The following IL34 variants were observed in gnomAD, a reference collection of about 807,000 sequenced individuals.
IL34 encodes the protein interleukin-34.
A neutral mutation model predicts 25.3 loss-of-function variants in IL34; 17 were observed. That is an observed-to-expected ratio of 0.67 (90% confidence interval 0.46 to 1.01). IL34 has a LOEUF of 1.01. Ranked by LOEUF, IL34 falls within the 50% of genes least tolerant of loss-of-function variation. The pLI is 0.00. For missense variants in IL34, 368 were observed against 312.9 expected (o/e 1.18, Z -1.33); for synonymous variants, 174 against 140.9 (o/e 1.23, Z -1.66).
At chr16:70,650,532 T>C (rs1239719399) in intron 1 of IL34, among the ~76,000 whole-genome samples, 1 of 151,672 alleles carries the variant, frequency 6.6e-6, no homozygotes, top group African/African-American at 2.4e-5. Flanking sequence ...GGTTGGGAGG[T>C]GAAGTAGACG....
At chr16:70,644,441 T>C (rs188858885), upstream of IL34, among the ~76,000 whole-genome samples, 2 of 152,246 alleles carry the variant, frequency 1.3e-5, no homozygotes, top group African/African-American at 4.8e-5. Flanking sequence ...TCAGTTTGTT[T>C]AGACAACTTC....
chr16:70,601,852 G>T (rs998241390), intron 1 of IL34, among the ~76,000 whole-genome samples: 1 of 152,246 alleles, frequency 6.6e-6, no homozygotes, highest in Non-Finnish European at 1.5e-5. Context: ...TGTCCAGTTG[G>T]CTGCCTGGCC....
intron 1 of IL34, among the ~76,000 whole-genome samples, chr16:70,610,879 G>A (rs2051079919): frequency 6.6e-6 from 1 of 152,190 alleles, no homozygotes; most frequent in Admixed American, 6.5e-5. Context: ...TGATTCTGAG[G>A]GCAGATTCCA....
At chr16:70,618,922 A>G (rs1282410251) in intron 1 of IL34, among the ~76,000 whole-genome samples, 2 of 152,180 alleles carry the variant, frequency 1.3e-5, no homozygotes, top group Non-Finnish European at 2.9e-5. Flanking sequence ...GCTGGGATTA[A>G]CGGTGCAAAG....
chr16:70,653,496 C>G (rs757846157), intron 1 of IL34, among the ~76,000 whole-genome samples: 1 of 151,942 alleles, frequency 6.6e-6, no homozygotes, highest in Admixed American at 6.6e-5. Flanking sequence ...CTCAGGAGTT[C>G]GAGGCAAGTC....
chr16:70,582,991 G>T (rs1350292485), intron 1 of IL34, among the ~76,000 whole-genome samples: 1 of 152,206 alleles, frequency 6.6e-6, no homozygotes, highest in Non-Finnish European at 1.5e-5. Flanking sequence ...TGCAGGGCTG[G>T]ATGTAGGGAG....
At chr16:70,605,857 A>G (rs2050994790) in intron 1 of IL34, among the ~76,000 whole-genome samples, 1 of 151,444 alleles carries the variant, frequency 6.6e-6, no homozygotes, top group Non-Finnish European at 1.5e-5. Context: ...TTTTTAGTAG[A>G]GACGGGGTTT....
chr16:70,638,619 G>A (rs1344693447), intron 1 of IL34, among the ~76,000 whole-genome samples: 1 of 151,636 alleles, frequency 6.6e-6, no homozygotes, highest in African/African-American at 2.4e-5. Context: ...ATTTTTTTGA[G>A]ACAAGGCCTT....
intron 1 of IL34, among the ~76,000 whole-genome samples, chr16:70,629,584 A>G (rs781591058): frequency 7.9e-5 from 12 of 152,208 alleles, no homozygotes; most frequent in Non-Finnish European, 1.5e-4. Context: ...AATAACGAAT[A>G]CAATGTAGAT....
chr16:70,639,314 T>C (rs2051727366), intron 1 of IL34, among the ~76,000 whole-genome samples: 1 of 152,180 alleles, frequency 6.6e-6, no homozygotes, highest in African/African-American at 2.4e-5. Flanking sequence ...TGAAAACAAA[T>C]TACACGGGCC....
chr16:70,595,970 C>T (rs1235234195), intron 1 of IL34, among the ~76,000 whole-genome samples: 1 of 150,372 alleles, frequency 6.7e-6, no homozygotes, highest in African/African-American at 2.5e-5. Context: ...GAGATTGTGC[C>T]ACTGCACTCC....
At chr16:70,611,163 G>T (rs187892079) in intron 1 of IL34, among the ~76,000 whole-genome samples, 1 of 152,092 alleles carries the variant, frequency 6.6e-6, no homozygotes, top group Non-Finnish European at 1.5e-5. Context: ...GTTTTTAGTA[G>T]AGATGGGTTT....
At chr16:70,654,345 G>T (rs1003852691) in intron 1 of IL34, 193 bp from the exon 2 acceptor site, 51 of 639,994 alleles carry the variant, frequency 8.0e-5, no homozygotes, top group Non-Finnish European at 1.2e-4. Flanking sequence ...CACTGCTAGT[G>T]CCTGCCTGAC....
intron 1 of IL34, among the ~76,000 whole-genome samples, chr16:70,611,505 C>T (rs1021092319): frequency 6.6e-5 from 10 of 152,222 alleles, no homozygotes; most frequent in South Asian, 6.2e-4. Flanking sequence ...AAACAGCCTT[C>T]GGGCTGGGTG....
upstream of IL34, among the ~76,000 whole-genome samples, chr16:70,645,936 C>A (rs1433928367): frequency 2.0e-5 from 3 of 152,120 alleles, no homozygotes; most frequent in South Asian, 6.2e-4. Context: ...ATCTGTAATC[C>A]CAGCTACTTG....
chr16:70,592,752 G>T (rs1452662437), intron 1 of IL34, among the ~76,000 whole-genome samples: 1 of 151,984 alleles, frequency 6.6e-6, no homozygotes, highest in Non-Finnish European at 1.5e-5. Flanking sequence ...CCTCCTGGGT[G>T]CAAGCGATTC....
intron 4 of IL34, among the ~76,000 whole-genome samples, chr16:70,658,368 C>T (rs538662694): frequency 8.5e-5 from 13 of 152,170 alleles, no homozygotes; most frequent in East Asian, 7.7e-4. Context: ...ATGGGGGTCT[C>T]GCTATGTTGC....
chr16:70,584,709 T>C (rs1375957938), intron 1 of IL34, among the ~76,000 whole-genome samples: 3 of 149,772 alleles, frequency 2.0e-5, no homozygotes, highest in East Asian at 1.9e-4. Context: ...CTCTCTCTCT[T>C]TTTTTTTTTG....
rs1205270418 is a variant in IL34 at position 70,629,329 on chromosome 16, GA to G, written c.-400-17218del. On this transcript the variant is annotated intron_variant, in intron 1 of 6. Transcript: ENST00000429149. ...AAAATGCTGGCCTTTATCTGAGGTT[GA>G]GGTATTTTATCATGTTAGGTAATTA... is the stretch of plus-strand genomic sequence containing the variant. Among the ~76,000 whole-genome samples the G allele has an allele frequency of 2.6e-5, 4 of 152,178 alleles. No individual in the cohort carries two copies. The East Asian group carries it at 7.7e-4, about 29-fold the overall frequency.
Sources: allele counts gnomAD v4.1 joint callset (sites outside exome capture counted in the v4.1 genomes callset), GRCh38; gene constraint gnomAD v4.1.1; transcripts MANE v1.5; gene names NCBI Gene and HGNC (gene_info 2026-07-23, HGNC 2026-07-21).